The following MYCBP variants were observed in gnomAD, a reference collection of about 807,000 sequenced individuals.
The protein encoded by MYCBP is MYC binding protein.
MYCBP carries 5 observed loss-of-function variants against 16.8 expected under a neutral mutation model. That is an observed-to-expected ratio of 0.30 (90% confidence interval 0.16 to 0.63). The LOEUF (loss-of-function observed/expected upper bound fraction) is 0.63, where lower values mean the gene tolerates loss of function less well. Ranked by LOEUF, MYCBP falls within the 20% of genes least tolerant of loss-of-function variation. The pLI is 0.83. For missense variants in MYCBP, 103 were observed against 121.8 expected, an observed-to-expected ratio of 0.85 and a Z score of 0.73; for synonymous variants, 35 against 43.7, an observed-to-expected ratio of 0.80 and a Z score of 0.79.
Position 38,869,091 on chromosome 1 carries a change from T to G in MYCBP, c.89-1481A>C, listed in dbSNP as rs180760604. 6.8e-3 allele frequency among the ~76,000 whole-genome samples: 1,027 copies of G among 151,718 alleles called. 7 individuals carry two copies. Among genetic ancestry groups the G allele is most frequent in the Non-Finnish European group, 9.6e-3 (655 of 67,938 alleles). On this transcript the variant is annotated intron_variant, in intron 2 of 4. Coordinates refer to ENST00000397572, the MANE Select transcript of MYCBP (RefSeq NM_012333.5). Reference sequence around the variant, plus strand: ...TGAGAAATTCATTTGGTTTTTTTTTTTTGTTTTTTTTTTTGAGATAGAGTT... The same window carrying G: ...TGAGAAATTCATTTGGTTTTTTTTTGTTGTTTTTTTTTTTGAGATAGAGTT...
chr1:38,864,587 C>G lies in MYCBP; in HGVS notation c.*83G>C. ...ACATATTAAAAGAGTTCTATAGCAT[C>G]TGTTCAGAAAAGATTATATACTATA... is the stretch of plus-strand genomic sequence containing the variant. On this transcript the variant is annotated 3_prime_UTR_variant, in exon 5 of 5. Coordinates refer to ENST00000397572, the MANE Select transcript of MYCBP (RefSeq NM_012333.5). 1 of 1,345,260 alleles carries G rather than the reference C, an allele frequency of 7.4e-7. No individual in the cohort carries two copies. Among genetic ancestry groups the G allele is most frequent in the South Asian group, 1.2e-5 (1 of 84,218 alleles). 83.3% of individuals were successfully genotyped at this position (1,345,260 alleles called of 1,614,324 possible). A position where few individuals can be genotyped will look rare whatever the true frequency, so the allele number is the denominator to read the frequency against.
At chr1:38,868,638 G>A (rs1335540887) in intron 2 of MYCBP, among the ~76,000 whole-genome samples, 1 of 152,174 alleles carries the variant, frequency 6.6e-6, no homozygotes, top group Non-Finnish European at 1.5e-5. Flanking sequence ...GGGCGCAGTG[G>A]CTCACACCTG....
intron 2 of MYCBP, among the ~76,000 whole-genome samples, chr1:38,868,750 C>CA (rs1473262623): frequency 3.9e-5 from 6 of 151,922 alleles, no homozygotes; most frequent in Non-Finnish European, 8.8e-5. Context: ...CTAAAAAATA[C>CA]AAAAAATGAG....
Position 38,864,712 on chromosome 1 carries a change from A to C in MYCBP, c.270T>G (p.Leu90=). Residue 90 remains leucine (L), a splice_region_variant and synonymous_variant, in exon 5 of 5, where the codon CTT becomes CTG. Coordinates refer to ENST00000397572, the MANE Select transcript of MYCBP (RefSeq NM_012333.5). ...VEENKKLKAK[L]AQYEPPQEEK... is the part of the protein sequence containing the mutation. ...CCTCCTGAGGTGGTTCATACTGAGC[A>C]AGCTATGGGGCAAAGACAGAGGAAT... 2 of 1,613,902 alleles carry C rather than the reference A, an allele frequency of 1.2e-6. No individual in the cohort carries two copies. The highest frequency in any genetic ancestry group is 1.7e-6 in the Non-Finnish European group (2 of 1,179,834).
intron 2 of MYCBP, among the ~76,000 whole-genome samples, chr1:38,869,494 T>C (rs1047797007): frequency 6.6e-6 from 1 of 152,148 alleles, no homozygotes; most frequent in Non-Finnish European, 1.5e-5. Context: ...ACTTGAAAGG[T>C]TGATAGTTGC....
chr1:38,872,677 G>A (rs1642490750), intron 2 of MYCBP: 2 of 304,932 alleles, frequency 6.6e-6, no homozygotes, highest in East Asian at 6.8e-5. Flanking sequence ...AGATTCTGAG[G>A]ACTCCATAAA....
upstream of MYCBP, chr1:38,873,371 T>C (rs1173063745): frequency 1.3e-6 from 2 of 1,564,718 alleles, no homozygotes; most frequent in African/African-American, 1.3e-5. Flanking sequence ...GCAGCACTGC[T>C]CATGCGCGGA....
Position 38,864,646 on chromosome 1 carries a change from TTG to T in MYCBP, c.*22_*23del, listed in dbSNP as rs370144310. ...TCAAGTCATACAAAACCATTTTTCA[TTG>T]TCTTTCAAACTGAGAAGAATCCTAT... On this transcript the variant is annotated 3_prime_UTR_variant, in exon 5 of 5. Coordinates refer to ENST00000397572, the MANE Select transcript of MYCBP (RefSeq NM_012333.5). 7 of 1,613,074 alleles carry T rather than the reference TTG, an allele frequency of 4.3e-6. No individual in the cohort carries two copies. In the African/African-American group the frequency reaches 6.7e-5, roughly 15 times the overall value.
intron 1 of MYCBP, 25 bp downstream of exon 1, chr1:38,873,266 C>G: frequency 6.3e-7 from 1 of 1,599,460 alleles, no homozygotes; most frequent in Non-Finnish European, 8.5e-7. Flanking sequence ...CCCGCATGCC[C>G]CCAGCCACGC....
At chr1:38,871,148 A>G (rs1302909680) in intron 2 of MYCBP, among the ~76,000 whole-genome samples, 1 of 152,082 alleles carries the variant, frequency 6.6e-6, no homozygotes. Context: ...GGCTGAGGCA[A>G]CACAATCGCT....
chr1:38,869,031 A>C (rs1391862336), intron 2 of MYCBP, among the ~76,000 whole-genome samples: 2 of 152,132 alleles, frequency 1.3e-5, no homozygotes, highest in Non-Finnish European at 2.9e-5. Flanking sequence ...ATAACTTACC[A>C]AAATAATATA....
chr1:38,871,906 A>G (rs1642474391), intron 2 of MYCBP, among the ~76,000 whole-genome samples: 1 of 152,224 alleles, frequency 6.6e-6, no homozygotes, highest in Non-Finnish European at 1.5e-5. Context: ...TAAATGAAAG[A>G]AATGAACGTA....
intron 3 of MYCBP, among the ~76,000 whole-genome samples, 173 bp downstream of exon 3, chr1:38,867,389 G>C (rs1163992754): frequency 6.7e-6 from 1 of 148,786 alleles, no homozygotes; most frequent in Non-Finnish European, 1.5e-5. Context: ...GGAGGTTGCA[G>C]TAAGCCAAGA....
Position 38,864,559 on chromosome 1 carries a change from T to C in MYCBP, c.*111A>G. On this transcript the variant is annotated 3_prime_UTR_variant, in exon 5 of 5. Transcript: ENST00000397572. ...TTTTAACAGAGTGTGATAGGTGAAT[T>C]AAACATATTAAAAGAGTTCTATAGC... The C allele has an allele frequency of 1.9e-6, 2 of 1,078,556 alleles. No individual in the cohort carries two copies. Among genetic ancestry groups the C allele is most frequent in the Non-Finnish European group, 2.8e-6 (2 of 711,598 alleles). The allele number at this position is 1,078,556 out of a possible 1,614,324, so 66.8% of individuals were successfully genotyped here. A position where few individuals can be genotyped will look rare whatever the true frequency, so the allele number is the denominator to read the frequency against.
In MYCBP at chr1:38,866,927, C is replaced by T. The variant is rs1642354215; in HGVS notation, c.220G>A (p.Glu74Lys). The T allele has an allele frequency of 6.3e-7, 1 of 1,590,682 alleles. No homozygotes were observed. Among genetic ancestry groups the T allele is most frequent in the Admixed American group, 1.8e-5 (1 of 54,284 alleles). Residue 74 changes from glutamate to lysine, a missense_variant, in exon 4 of 5, where the codon GAG becomes AAG. Physicochemically the swap from Glu to Lys is moderately conservative, Grantham distance 56. Transcript: ENST00000397572. ...TCTTCTACAATAGCTTCATACTTCTCTTTCATTTCGGCCAGTTCTAGGCGA... is the reference window on the plus strand; with the variant it reads ...TCTTCTACAATAGCTTCATACTTCTTTTTCATTTCGGCCAGTTCTAGGCGA... ...LLRLELAEMKEKYEAIVEENK... is the reference protein window; with the variant it reads ...LLRLELAEMKKKYEAIVEENK...
At chr1:38,868,528 T>TA (rs904971669) in intron 2 of MYCBP, among the ~76,000 whole-genome samples, 4 of 152,150 alleles carry the variant, frequency 2.6e-5, no homozygotes, top group Non-Finnish European at 5.9e-5. Flanking sequence ...ACTACTTAGA[T>TA]AAAAAACTCT....
Position 38,867,022 on chromosome 1 carries a change from T to G in MYCBP, c.138-13A>C. ...ATGCTTTAAAAAACTATTATCAATG[T>G]TAAGAACTTACTTCTTAGACATGAA... On this transcript the variant is annotated splice_polypyrimidine_tract_variant and intron_variant, in intron 3 of 4. Transcript: ENST00000397572. 6.2e-7 allele frequency: 1 copy of G among 1,603,332 alleles called. No individual in the cohort carries two copies. Among genetic ancestry groups the G allele is most frequent in the Non-Finnish European group, 8.5e-7 (1 of 1,173,534 alleles).
At chr1:38,872,971 G>C in intron 2 of MYCBP, 47 bp downstream of exon 2, 1 of 1,546,536 alleles carries the variant, frequency 6.5e-7, no homozygotes, top group African/African-American at 1.4e-5. Flanking sequence ...GGCAGCGCCG[G>C]GGAGCACGAC....
chr1:38,867,845 G>A (rs1642371729), intron 2 of MYCBP, among the ~76,000 whole-genome samples: 2 of 152,198 alleles, frequency 1.3e-5, no homozygotes, highest in East Asian at 1.9e-4. Context: ...TGGATAATGG[G>A]TTGCAGTAGC....
Sources: gnomAD v4.1 joint callset for allele counts (sites outside exome capture counted in the v4.1 genomes callset) on GRCh38, gnomAD v4.1.1 for gene constraint, MANE v1.5 for transcripts, NCBI Gene and HGNC (gene_info 2026-07-23, HGNC 2026-07-21) for gene names.